ARHGAP42: variants seen among roughly 807,000 people sequenced by gnomAD.
ARHGAP42 encodes the protein Rho GTPase activating protein 42.
ARHGAP42 carries 63 observed loss-of-function variants against 125.0 expected under a neutral mutation model. That is an observed-to-expected ratio of 0.50 (90% CI 0.41 to 0.62). The LOEUF is 0.62. ARHGAP42 is among the 20% of genes least tolerant of loss of function. The pLI is 0.00. For synonymous variants in ARHGAP42, 339 were observed against 351.0 expected, an observed-to-expected ratio of 0.97 and a Z score of 0.38; for missense variants, 766 against 1,024.2, an observed-to-expected ratio of 0.75 and a Z score of 3.44.
chr11:100,887,894 T>G (rs1212030322), intron 4 of ARHGAP42, among the ~76,000 whole-genome samples: 1 of 152,084 alleles, frequency 6.6e-6, no homozygotes, highest in Non-Finnish European at 1.5e-5. Context: ...CAGTGCTAGC[T>G]CCAGAGATCC....
At chr11:100,949,505 G>C (rs563468335) in intron 11 of ARHGAP42, among the ~76,000 whole-genome samples, 2 of 152,238 alleles carry the variant, frequency 1.3e-5, no homozygotes, top group South Asian at 4.1e-4. Flanking sequence ...AGCAAATTTA[G>C]GGAATAGTTT....
At chr11:100,751,287 T>TTTTTTTTTTTTTTTTTTTTG (rs1862449520) in intron 1 of ARHGAP42, among the ~76,000 whole-genome samples, 1 of 120,908 alleles carries the variant, frequency 8.3e-6, no homozygotes, top group African/African-American at 3.0e-5. Context: ...GTGTTTTTTT[T>TTTTTTTTTTTTTTTTTTTTG]TTTTTTTTTT....
chr11:100,827,470 G>A (rs1194588103), intron 3 of ARHGAP42, among the ~76,000 whole-genome samples: 1 of 152,220 alleles, frequency 6.6e-6, no homozygotes, highest in Admixed American at 6.5e-5. Context: ...ACTTGCAGCA[G>A]GTGGCTGCAT....
At position 100,687,523 on chromosome 11, in the gene ARHGAP42, C is replaced by A. The variant is rs1275385230; in HGVS notation, c.-156C>A. 2.3e-6 allele frequency: 1 copy of A among 426,342 alleles called. No individual in the cohort carries two copies. Among genetic ancestry groups the A allele is most frequent in the African/African-American group, 2.1e-5 (1 of 47,102 alleles). 26.4% of individuals were successfully genotyped at this position (426,342 alleles called of 1,614,324 possible). A position where few individuals can be genotyped will look rare whatever the true frequency, so the allele number is the denominator to read the frequency against. On this transcript the variant is annotated 5_prime_UTR_variant, in exon 1 of 24. Transcript: ENST00000298815. ...ACTGAGCCCGGCGCAGGCGGCGCGG[C>A]GCTCGGGGCCCGTTTCCTCCGCGCA...
chr11:100,762,736 C>T (rs1446279139), intron 1 of ARHGAP42, among the ~76,000 whole-genome samples: 48 of 152,232 alleles, frequency 3.2e-4, no homozygotes, highest in Non-Finnish European at 4.4e-5. Flanking sequence ...GTATTCTTCT[C>T]TTCTGACTTT....
intron 3 of ARHGAP42, among the ~76,000 whole-genome samples, chr11:100,813,204 A>G (rs1864188512): frequency 2.0e-5 from 3 of 152,128 alleles, no homozygotes; most frequent in Non-Finnish European, 4.4e-5. Flanking sequence ...TTTGGAACAG[A>G]TATGTTTTTG....
intron 4 of ARHGAP42, 165 bp downstream of exon 4, chr11:100,859,790 C>T: frequency 2.0e-6 from 1 of 494,604 alleles, no homozygotes; most frequent in Non-Finnish European, 3.5e-6. Context: ...TTCTTTTAGA[C>T]ATAAAAGATG....
At chr11:100,834,612 A>G (rs1565234114) in intron 3 of ARHGAP42, among the ~76,000 whole-genome samples, 1 of 152,156 alleles carries the variant, frequency 6.6e-6, no homozygotes, top group African/African-American at 2.4e-5. Flanking sequence ...AATAGTGGGC[A>G]TCAGAAGTTT....
intron 7 of ARHGAP42, among the ~76,000 whole-genome samples, chr11:100,935,901 G>A (rs1011825580): frequency 5.3e-5 from 8 of 152,132 alleles, no homozygotes; most frequent in Admixed American, 4.6e-4. Flanking sequence ...ACTTTGGGAG[G>A]TGAACAAATT....
At chr11:100,863,673 T>G (rs1357375408) in intron 4 of ARHGAP42, among the ~76,000 whole-genome samples, 1 of 152,208 alleles carries the variant, frequency 6.6e-6, no homozygotes, top group Non-Finnish European at 1.5e-5. Context: ...TTCAGATACT[T>G]GGAGATTAGA....
At chr11:100,904,393 C>T (rs1866663768) in intron 4 of ARHGAP42, among the ~76,000 whole-genome samples, 1 of 151,056 alleles carries the variant, frequency 6.6e-6, no homozygotes, top group African/African-American at 2.4e-5. Flanking sequence ...ATTACAGGCG[C>T]ATGCTACCAC....
intron 1 of ARHGAP42, among the ~76,000 whole-genome samples, chr11:100,760,156 T>C (rs903937297): frequency 6.6e-6 from 1 of 152,172 alleles, no homozygotes; most frequent in Non-Finnish European, 1.5e-5. Flanking sequence ...ATGATGCAGA[T>C]TTGCAGTCCT....
chr11:100,886,249 G>A (rs1866089954), intron 4 of ARHGAP42, among the ~76,000 whole-genome samples: 1 of 152,122 alleles, frequency 6.6e-6, no homozygotes, highest in Admixed American at 6.6e-5. Flanking sequence ...CTCACAGCTT[G>A]CATTTTTAAA....
chr11:100,844,914 T>G (rs142741224), intron 3 of ARHGAP42, among the ~76,000 whole-genome samples: 339 of 152,234 alleles, frequency 2.2e-3, no homozygotes, highest in African/African-American at 7.7e-3. Context: ...GAACTATCAT[T>G]TGATCCAGCA....
chr11:100,784,053 A>G (rs984715348), intron 2 of ARHGAP42, among the ~76,000 whole-genome samples: 3 of 152,226 alleles, frequency 2.0e-5, no homozygotes, highest in African/African-American at 7.2e-5. Context: ...AGGGATTTCC[A>G]GCTGGGGACA....
intron 2 of ARHGAP42, among the ~76,000 whole-genome samples, chr11:100,785,180 A>C (rs1679211714): frequency 6.6e-6 from 1 of 152,150 alleles, no homozygotes; most frequent in Non-Finnish European, 1.5e-5. Flanking sequence ...TTAGAGGCTT[A>C]CTGTGGAGTT....
At chr11:100,920,494 G>T (rs867992087) in intron 5 of ARHGAP42, among the ~76,000 whole-genome samples, 1 of 151,998 alleles carries the variant, frequency 6.6e-6, no homozygotes, top group Non-Finnish European at 1.5e-5. Flanking sequence ...CCCCAAATTG[G>T]TGTCAACGGA....
intron 6 of ARHGAP42, among the ~76,000 whole-genome samples, chr11:100,922,720 C>T (rs918627134): frequency 1.3e-5 from 2 of 152,212 alleles, no homozygotes; most frequent in African/African-American, 4.8e-5. Flanking sequence ...TGGAAATCCA[C>T]CAGCTATCCC....
At chr11:100,831,470 G>T (rs994497287) in intron 3 of ARHGAP42, among the ~76,000 whole-genome samples, 1 of 152,116 alleles carries the variant, frequency 6.6e-6, no homozygotes, top group African/African-American at 2.4e-5. Flanking sequence ...AGTTAATAGG[G>T]TGTTCTTTTT....
Sources: allele counts gnomAD v4.1 joint callset (sites outside exome capture counted in the v4.1 genomes callset), GRCh38; gene constraint gnomAD v4.1.1; transcripts MANE v1.5; gene names NCBI Gene and HGNC (gene_info 2026-07-23, HGNC 2026-07-21).